The following CPED1 variants were observed in gnomAD, a reference collection of about 807,000 sequenced individuals.
CPED1 encodes the protein cadherin-like and PC-esterase domain-containing protein 1.
Under a neutral mutation model 128.2 loss-of-function variants are expected in CPED1, and 114 were observed. That is an observed-to-expected ratio of 0.89 (90% CI 0.76 to 1.04). The LOEUF (loss-of-function observed/expected upper bound fraction) is 1.04. CPED1 is among the 50% of genes least tolerant of loss of function. The pLI, the probability that CPED1 is intolerant of heterozygous loss-of-function variation, is 0.00. For synonymous variants in CPED1, 462 were observed against 426.7 expected (o/e 1.08, Z -1.02); for missense variants, 1,211 against 1,207.1 (o/e 1.00, Z -0.05).
intron 3 of CPED1, among the ~76,000 whole-genome samples, chr7:121,033,013 T>A (rs977004787): frequency 1.3e-5 from 2 of 152,198 alleles, no homozygotes; most frequent in African/African-American, 4.8e-5. Context: ...ACCTGGAGCT[T>A]GTTGTTATTT....
rs1367591066 is a variant in CPED1 at position 121,168,361 on chromosome 7, G to C, written c.2055+26220G>C. Among the ~76,000 whole-genome samples the C allele has an allele frequency of 2.0e-5, 3 of 152,212 alleles. No homozygotes were observed. The East Asian group carries it at 5.8e-4, about 29-fold the overall frequency. Reference sequence around the variant, plus strand: ...TTAAAAGTAGTCTTCTCTATCTAAAGAATCAAGACTTTGTATTCTCTTAAA... The same window carrying C: ...TTAAAAGTAGTCTTCTCTATCTAAACAATCAAGACTTTGTATTCTCTTAAA... On this transcript the variant is annotated intron_variant, in intron 16 of 22. Transcript: ENST00000310396.
intron 4 of CPED1, among the ~76,000 whole-genome samples, chr7:121,059,345 T>C (rs1793588822): frequency 6.6e-6 from 1 of 152,212 alleles, no homozygotes; most frequent in Non-Finnish European, 1.5e-5. Context: ...AAAACACATT[T>C]TTCTTTTGAT....
chr7:121,247,367 A>G (rs1324949244), intron 18 of CPED1, among the ~76,000 whole-genome samples: 1 of 152,212 alleles, frequency 6.6e-6, no homozygotes, highest in Non-Finnish European at 1.5e-5. Context: ...AAATTTATTA[A>G]GAGTTTCAAG....
chr7:121,002,521 C>A (rs1439970935), intron 2 of CPED1, among the ~76,000 whole-genome samples: 3 of 152,128 alleles, frequency 2.0e-5, no homozygotes, highest in Admixed American at 2.0e-4. Context: ...ATCTGAAACT[C>A]CCAATCATAC....
rs182715149 is a variant in CPED1, at chr7:121,295,537, T to C, written c.2966T>C (p.Leu989Pro). The change falls in exon 23 of 23, where the codon CTA becomes CCA. Residue 989 changes from leucine to proline, a missense_variant. Coordinates refer to ENST00000310396, the MANE Select transcript of CPED1 (RefSeq NM_024913.5). ...MGRYFSNQSKLQQGTVTNFRS... is the reference protein window; with the variant it reads ...MGRYFSNQSKPQQGTVTNFRS... ...AGATATTTCAGCAATCAAAGCAAAC[T>C]ACAACAAGGCACTGTAACAAATTTT... 5 of 1,614,082 alleles carry C rather than the reference T, an allele frequency of 3.1e-6. No homozygotes were observed. In the African/African-American group the frequency reaches 6.7e-5, roughly 22 times the overall value.
chr7:121,099,259 A>G (rs1363670761), intron 6 of CPED1, among the ~76,000 whole-genome samples: 1 of 152,164 alleles, frequency 6.6e-6, no homozygotes, highest in Non-Finnish European at 1.5e-5. Flanking sequence ...TTTTGTTGCA[A>G]TGGTATCATG....
chr7:121,286,177 C>T (rs768011353), intron 22 of CPED1, among the ~76,000 whole-genome samples: 1 of 152,290 alleles, frequency 6.6e-6, no homozygotes, highest in African/African-American at 2.4e-5. Context: ...AGAACTCACT[C>T]ACTATCATGA....
At chr7:121,112,869 G>T (rs779264974) in intron 7 of CPED1, among the ~76,000 whole-genome samples, 7 of 152,108 alleles carry the variant, frequency 4.6e-5, no homozygotes, top group Non-Finnish European at 1.0e-4. Flanking sequence ...TTCATGTTAT[G>T]GCAGATTACC....
intron 7 of CPED1, among the ~76,000 whole-genome samples, chr7:121,105,483 G>A (rs764940085): frequency 2.6e-5 from 4 of 152,058 alleles, no homozygotes; most frequent in Admixed American, 1.3e-4. Context: ...CTGGCCCTTC[G>A]CTAGGCCCGG....
chr7:121,261,246 T>C (rs537297110), intron 18 of CPED1, among the ~76,000 whole-genome samples: 29 of 152,234 alleles, frequency 1.9e-4, no homozygotes, highest in Admixed American at 1.8e-3. Context: ...TTTTTACCAA[T>C]AAATATTTCT....
chr7:121,093,315 GT>G (rs1358595989), intron 5 of CPED1, among the ~76,000 whole-genome samples: 1 of 151,694 alleles, frequency 6.6e-6, no homozygotes, highest in Non-Finnish European at 1.5e-5. Flanking sequence ...GCAGTTTTAT[GT>G]GGCTCAACCT....
intron 3 of CPED1, among the ~76,000 whole-genome samples, chr7:121,042,857 A>G (rs1041554239): frequency 2.6e-5 from 4 of 152,212 alleles, no homozygotes. Context: ...TTTGGCCCCC[A>G]AATCCTAATG....
chr7:121,086,375 C>T (rs1224507223), intron 5 of CPED1, among the ~76,000 whole-genome samples: 1 of 152,058 alleles, frequency 6.6e-6, no homozygotes, highest in African/African-American at 2.4e-5. Flanking sequence ...GAAACCTTAC[C>T]TAATGGAAAG....
At chr7:121,239,330 G>T (rs1440909187) in intron 17 of CPED1, among the ~76,000 whole-genome samples, 1 of 151,366 alleles carries the variant, frequency 6.6e-6, no homozygotes, top group African/African-American at 2.4e-5. Context: ...TTAAACTTTT[G>T]AATGATTGTA....
intron 16 of CPED1, among the ~76,000 whole-genome samples, chr7:121,195,294 A>G (rs1051181562): frequency 3.9e-5 from 6 of 152,122 alleles, no homozygotes; most frequent in African/African-American, 1.4e-4. Context: ...AAGAAACATA[A>G]GATAGTTTTA....
chr7:121,226,803 C>T (rs1413099720), intron 16 of CPED1, among the ~76,000 whole-genome samples: 1 of 152,012 alleles, frequency 6.6e-6, no homozygotes, highest in African/African-American at 2.4e-5. Context: ...TTATTTATTG[C>T]TAATGTAAAC....
At position 120,989,589 on chromosome 7, in the gene CPED1, C is replaced by T. The variant is rs565305465; in HGVS notation, c.-33C>T. 1.9e-5 allele frequency: 31 copies of T among 1,604,612 alleles called. No homozygotes were observed. The South Asian group carries it at 3.1e-4, about 16-fold the overall frequency. ...ATAGCTGCTATGACTTTTCCCGCAA[C>T]GTGGACAGGGGCCAAGTGAAGCTGA... On this transcript the variant is annotated 5_prime_UTR_variant, in exon 2 of 23. In the 5' UTR this introduces an upstream ATG that the reference lacks. Transcript: ENST00000310396.
intron 18 of CPED1, among the ~76,000 whole-genome samples, chr7:121,260,099 G>A (rs566708268): frequency 5.3e-5 from 8 of 151,532 alleles, no homozygotes; most frequent in Non-Finnish European, 1.0e-4. Context: ...TACACATGAT[G>A]CCCTCCTTCG....
At chr7:121,284,242 C>A (rs1792518082) in intron 22 of CPED1, among the ~76,000 whole-genome samples, 1 of 152,156 alleles carries the variant, frequency 6.6e-6, no homozygotes, top group African/African-American at 2.4e-5. Context: ...ATGAGAACAT[C>A]ATGGAGATAA....
Sources: gnomAD v4.1 joint callset for allele counts (sites outside exome capture counted in the v4.1 genomes callset) on GRCh38, gnomAD v4.1.1 for gene constraint, MANE v1.5 for transcripts, NCBI Gene and HGNC (gene_info 2026-07-23, HGNC 2026-07-21) for gene names.